CALD1: variants seen among roughly 807,000 people sequenced by gnomAD.
CALD1 encodes the protein caldesmon.
A neutral mutation model predicts 99.9 loss-of-function variants in CALD1; 33 were observed. The ratio of observed to expected loss-of-function variants is 0.33; its 90% confidence interval spans 0.25 to 0.44. CALD1 has a LOEUF of 0.44. Ranked by LOEUF, CALD1 falls within the 20% of genes least tolerant of loss-of-function variation. The pLI is 1.00. For missense variants in CALD1, 861 were observed against 962.1 expected (o/e 0.89, Z 1.39); for synonymous variants, 310 against 325.0 (o/e 0.95, Z 0.50).
At chr7:134,738,330 T>A in the CALD1 span, among the ~76,000 whole-genome samples, 4 of 152,254 alleles carry the variant, frequency 2.6e-5, no homozygotes, top group African/African-American at 9.6e-5. Flanking sequence ...TGTTTTGTTA[T>A]ATTTGATCCT....
intron 1 of CALD1, among the ~76,000 whole-genome samples, chr7:134,787,068 A>G (rs904201662): frequency 2.6e-5 from 4 of 152,206 alleles, no homozygotes; most frequent in African/African-American, 9.6e-5. Flanking sequence ...AATTGATAGT[A>G]GATGTATGTA....
intron 9 of CALD1, among the ~76,000 whole-genome samples, chr7:134,954,757 C>T (rs992736305): frequency 1.3e-5 from 2 of 152,322 alleles, no homozygotes; most frequent in African/African-American, 4.8e-5. Flanking sequence ...TCCCACCACA[C>T]TGAATTTTTC....
chr7:134,899,362 C>T (rs1358861589), intron 3 of CALD1, among the ~76,000 whole-genome samples: 1 of 152,132 alleles, frequency 6.6e-6, no homozygotes, highest in Non-Finnish European at 1.5e-5. Context: ...CACCACCACA[C>T]CTGGCTAATT....
chr7:134,948,391 A>G (rs1322398974), intron 8 of CALD1, among the ~76,000 whole-genome samples: 1 of 152,160 alleles, frequency 6.6e-6, no homozygotes, highest in Non-Finnish European at 1.5e-5. Flanking sequence ...AGACAGAGCT[A>G]AAAACAGCAG....
At chr7:134,891,436 C>T in intron 3 of CALD1, 1 of 1,313,286 alleles carries the variant, frequency 7.6e-7, no homozygotes. Context: ...TGAGGACAAG[C>T]CCAGACTTTC....
the CALD1 span, among the ~76,000 whole-genome samples, chr7:134,717,290 T>C: frequency 2.2e-4 from 33 of 152,310 alleles, no homozygotes; most frequent in African/African-American, 7.7e-4. Context: ...TATAATGTCA[T>C]GTATCTGCCA....
intron 3 of CALD1, among the ~76,000 whole-genome samples, chr7:134,912,677 A>G (rs1803903334): frequency 6.6e-6 from 1 of 152,212 alleles, no homozygotes; most frequent in Non-Finnish European, 1.5e-5. Flanking sequence ...CAAGACTATC[A>G]TATCTTCATA....
chr7:134,850,436 T>C (rs1800028497), intron 2 of CALD1, among the ~76,000 whole-genome samples: 1 of 152,224 alleles, frequency 6.6e-6, no homozygotes, highest in Non-Finnish European at 1.5e-5. Context: ...CTATGTGACC[T>C]TGGGCCAATG....
intron 3 of CALD1, among the ~76,000 whole-genome samples, chr7:134,883,660 C>A (rs192612052): frequency 6.6e-6 from 1 of 152,316 alleles, no homozygotes; most frequent in East Asian, 1.9e-4. Flanking sequence ...TTCTAATCTC[C>A]TGCCTTAGGC....
chr7:134,969,037 T>C lies in CALD1; in HGVS notation c.*692T>C, dbSNP rs75771735. On this transcript the variant is annotated 3_prime_UTR_variant, in exon 15 of 15. Coordinates refer to ENST00000361675, the MANE Select transcript of CALD1 (RefSeq NM_033138.4). ...ACATTTTAGATAACTCAATTATGTA[T>C]GTATGTGCATACACATATACAAACA... 1.2e-5 allele frequency: 2 copies of C among 164,516 alleles called. No homozygotes were observed. The highest frequency in any genetic ancestry group is 2.7e-5 in the Non-Finnish European group (2 of 73,696). The allele number at this position is 164,516 out of a possible 1,614,324, so 10.2% of individuals were successfully genotyped here. A position where few individuals can be genotyped will look rare whatever the true frequency, so the allele number is the denominator to read the frequency against.
At chr7:134,739,375 C>A (rs1350270524), upstream of CALD1, among the ~76,000 whole-genome samples, 1 of 152,186 alleles carries the variant, frequency 6.6e-6, no homozygotes, top group East Asian at 1.9e-4. Context: ...CACTTCTGAT[C>A]CATCAACCCC....
At chr7:134,922,746 C>A (rs1047728107) in intron 3 of CALD1, among the ~76,000 whole-genome samples, 1 of 152,202 alleles carries the variant, frequency 6.6e-6, no homozygotes, top group South Asian at 2.1e-4. Context: ...TTGGTCTCCT[C>A]ATTTGCCATG....
chr7:134,947,148 G>A (rs1043511825), intron 7 of CALD1, among the ~76,000 whole-genome samples: 1 of 152,048 alleles, frequency 6.6e-6, no homozygotes, highest in African/African-American at 2.4e-5. Flanking sequence ...TCAAGACCTT[G>A]CTTTCCATTC....
At chr7:134,898,069 C>T (rs144630516) in intron 3 of CALD1, among the ~76,000 whole-genome samples, 8 of 152,086 alleles carry the variant, frequency 5.3e-5, no homozygotes, top group South Asian at 2.1e-4. Context: ...GGATTACAGG[C>T]GCCCGCCACC....
intron 3 of CALD1, among the ~76,000 whole-genome samples, chr7:134,897,275 C>T (rs2132561242): frequency 6.6e-6 from 1 of 151,484 alleles, no homozygotes; most frequent in Non-Finnish European, 1.5e-5. Context: ...TCCCACCCAG[C>T]TTAGCATTAT....
intron 3 of CALD1, among the ~76,000 whole-genome samples, chr7:134,893,431 A>T (rs1414409604): frequency 6.6e-6 from 1 of 152,234 alleles, no homozygotes; most frequent in African/African-American, 2.4e-5. Context: ...AATGATGGGC[A>T]TAATTTTACC....
intron 1 of CALD1, among the ~76,000 whole-genome samples, chr7:134,744,588 A>C (rs1323899870): frequency 6.6e-6 from 1 of 152,020 alleles, no homozygotes; most frequent in Non-Finnish European, 1.5e-5. Context: ...ACATATGTAG[A>C]TGTTACCTGA....
chr7:134,920,566 T>C (rs1476474901), intron 3 of CALD1: 2 of 1,282,782 alleles, frequency 1.6e-6, no homozygotes, highest in East Asian at 5.6e-5. Flanking sequence ...GGGGACAGAA[T>C]AGTGTTCTGG....
chr7:134,963,921 G>A (rs1808466590), intron 13 of CALD1, among the ~76,000 whole-genome samples: 1 of 152,206 alleles, frequency 6.6e-6, no homozygotes, highest in South Asian at 2.1e-4. Flanking sequence ...CTTTGTGGCT[G>A]GGCGCGGTGG....
Sources: gnomAD v4.1 joint callset for allele counts (sites outside exome capture counted in the v4.1 genomes callset) on GRCh38, gnomAD v4.1.1 for gene constraint, MANE v1.5 for transcripts, NCBI Gene and HGNC (gene_info 2026-07-23, HGNC 2026-07-21) for gene names.